Variants in MYO18B observed in about 807,000 individuals in gnomAD.
MYO18B encodes the protein myosin XVIIIB.
In MYO18B, 204 loss-of-function variants were observed where a neutral mutation model predicts 273.0. That is an observed-to-expected ratio of 0.75 (90% confidence interval 0.67 to 0.84). The LOEUF is 0.84. Among genes scored for constraint, MYO18B ranks in the 40% least tolerant of loss-of-function variants. The probability of loss-of-function intolerance (pLI) is 0.00; values close to 1 mark genes in which losing one functional copy is unlikely to be tolerated. For synonymous variants in MYO18B, 1,330 were observed against 1,305.7 expected (o/e 1.02, Z -0.40); for missense variants, 3,212 against 3,287.6 (o/e 0.98, Z 0.56).
chr22:25,836,864 A>G (rs1416348049), intron 17 of MYO18B, among the ~76,000 whole-genome samples: 2 of 152,050 alleles, frequency 1.3e-5, no homozygotes, highest in African/African-American at 2.4e-5. Context: ...CGGGAGGCTG[A>G]GGCAGGAGAA....
At chr22:25,816,500 C>CA (rs2089014860) in intron 12 of MYO18B, among the ~76,000 whole-genome samples, 1 of 150,316 alleles carries the variant, frequency 6.7e-6, no homozygotes, top group Non-Finnish European at 1.5e-5. Context: ...CCCAGCCCCC[C>CA]ACCCCCAGAC....
chr22:25,993,640 G>A (rs912619652), intron 40 of MYO18B, among the ~76,000 whole-genome samples: 1 of 152,162 alleles, frequency 6.6e-6, no homozygotes, highest in African/African-American at 2.4e-5. Flanking sequence ...CTAGAACTCA[G>A]GTCTGCTGAA....
chr22:25,888,245 A>C (rs534310590), intron 25 of MYO18B, among the ~76,000 whole-genome samples: 4 of 152,162 alleles, frequency 2.6e-5, no homozygotes, highest in African/African-American at 9.6e-5. Context: ...TGGGGGTCTG[A>C]GAGTCCTATA....
chr22:25,768,447 T>A lies in MYO18B; in HGVS notation c.531T>A (p.Pro177=), dbSNP rs1158804920. 9.3e-6 allele frequency: 7 copies of A among 753,464 alleles called. No homozygotes were observed. The highest frequency in any genetic ancestry group is 1.6e-5 in the Non-Finnish European group (7 of 434,242). The allele number at this position is 753,464 out of a possible 1,614,324, so 46.7% of individuals were successfully genotyped here. ...PEKTHPHDAP[P]CKTSPPATDT... ...AGACTCATCCCCATGACGCCCCCCCTTGCAAGACCTCTCCCCCCGCCACAG... is the reference window on the plus strand; with the variant it reads ...AGACTCATCCCCATGACGCCCCCCCATGCAAGACCTCTCCCCCCGCCACAG... The change falls in exon 4 of 44, where the codon CCT becomes CCA. Residue 177 remains proline, a synonymous_variant. Transcript: ENST00000335473.
At chr22:25,988,302 C>T (rs1335989342) in intron 39 of MYO18B, among the ~76,000 whole-genome samples, 1 of 152,030 alleles carries the variant, frequency 6.6e-6, no homozygotes, top group Admixed American at 6.6e-5. Flanking sequence ...GGAGTTGAAG[C>T]AGGAAAGATT....
intron 15 of MYO18B, 37 bp from the exon 16 acceptor site, chr22:25,832,880 C>A (rs2089762847): frequency 6.4e-7 from 1 of 1,569,482 alleles, no homozygotes; most frequent in South Asian, 1.1e-5. Context: ...CTTCAGCTCG[C>A]TAAAAGTGCT....
intron 39 of MYO18B, among the ~76,000 whole-genome samples, chr22:25,987,687 T>C (rs549934275): frequency 1.3e-5 from 2 of 152,176 alleles, no homozygotes; most frequent in South Asian, 4.1e-4. Flanking sequence ...GTGAGGACTT[T>C]ATTTGTATTG....
At position 25,847,581 on chromosome 22, in the gene MYO18B, T is replaced by A; in HGVS notation, c.3704T>A (p.Leu1235Gln). Residue 1235 changes from leucine (L) to glutamine (Q), a missense_variant, in exon 20 of 44, where the codon CTG becomes CAG. By Grantham distance (113) the Leu-to-Gln change is moderately radical (BLOSUM62 -2). Transcript: ENST00000335473. ...CCTGGGGCAGGTGGACCTCTGGCCC[T>A]GGATATCCCAGCACTGAGGGTCCAG... ...DKPGAGGPLA[L>Q]DIPALRVQLA... The A allele has an allele frequency of 6.4e-7, 1 of 1,567,038 alleles. No homozygotes were observed. The highest frequency in any genetic ancestry group is 8.7e-7 in the Non-Finnish European group (1 of 1,155,942).
Position 25,761,900 on chromosome 22 carries a change from A to G in MYO18B, c.39+769A>G, listed in dbSNP as rs560062185. 5.9e-5 allele frequency among the ~76,000 whole-genome samples: 9 copies of G among 152,174 alleles called. 1 individual carries two copies. The South Asian group carries it at 1.9e-3, about 32-fold the overall frequency. On this transcript the variant is annotated intron_variant, in intron 2 of 43. Coordinates refer to ENST00000335473, the MANE Select transcript of MYO18B (RefSeq NM_032608.7). ...GTACTTTGGGAGGCCGAAGCAGGTGAATCATGAGGTCAGGAGTTCGAGACC... is the reference window on the plus strand; with the variant it reads ...GTACTTTGGGAGGCCGAAGCAGGTGGATCATGAGGTCAGGAGTTCGAGACC...
intron 12 of MYO18B, among the ~76,000 whole-genome samples, chr22:25,806,002 G>A (rs192389546): frequency 2.3e-4 from 35 of 152,268 alleles, no homozygotes; most frequent in African/African-American, 7.2e-4. Flanking sequence ...ATTAATGTCT[G>A]TCTCCCATGC....
chr22:25,804,054 T>C (rs1015828285), intron 12 of MYO18B, among the ~76,000 whole-genome samples: 2 of 151,004 alleles, frequency 1.3e-5, no homozygotes, highest in African/African-American at 4.9e-5. Flanking sequence ...TCTGTATTCG[T>C]GAGTTTGAAA....
At chr22:25,793,707 A>G (rs554012899) in intron 11 of MYO18B, among the ~76,000 whole-genome samples, 2 of 152,314 alleles carry the variant, frequency 1.3e-5, no homozygotes, top group Admixed American at 6.5e-5. Flanking sequence ...CTCTAAGCCC[A>G]GCCTGGTTTA....
chr22:26,036,481 A>G, the MYO18B span, among the ~76,000 whole-genome samples: 3 of 152,298 alleles, frequency 2.0e-5, no homozygotes, highest in East Asian at 5.8e-4. Flanking sequence ...GGAGAAATAT[A>G]AAATGACTCA....
At chr22:26,025,446 T>C (rs1166362444) in intron 42 of MYO18B, among the ~76,000 whole-genome samples, 2 of 152,190 alleles carry the variant, frequency 1.3e-5, no homozygotes, top group African/African-American at 4.8e-5. Flanking sequence ...ATCGTCCTGA[T>C]TGTTACAGTT....
intron 39 of MYO18B, among the ~76,000 whole-genome samples, chr22:25,978,885 T>G (rs532179819): frequency 6.6e-6 from 1 of 152,182 alleles, no homozygotes; most frequent in Non-Finnish European, 1.5e-5. Context: ...AGGCAGAGGT[T>G]GCAGTGAGCC....
chr22:25,948,459 C>CTTTCTTTCTTTCTTTCT (rs2092748160), intron 36 of MYO18B, among the ~76,000 whole-genome samples: 29 of 67,722 alleles, frequency 4.3e-4, no homozygotes, highest in African/African-American at 1.5e-3. Flanking sequence ...TCCTTCCTTC[C>CTTTCTTTCTTTCTTTCT]TTCTTTCTTT....
intron 42 of MYO18B, among the ~76,000 whole-genome samples, chr22:26,023,496 TA>T (rs1484361872): frequency 0.015 from 1,495 of 102,040 alleles, 31 homozygotes; most frequent in African/African-American, 0.057. Context: ...CCTCCTCCTC[TA>T]CCTCCTCCCT....
chr22:25,983,151 T>C (rs2093166698), intron 39 of MYO18B, among the ~76,000 whole-genome samples: 1 of 152,082 alleles, frequency 6.6e-6, no homozygotes, highest in South Asian at 2.1e-4. Flanking sequence ...GGAGGATCAC[T>C]TGAGGGCCAG....
In MYO18B at chr22:25,769,099, A is replaced by G. The variant is rs1305550837; in HGVS notation, c.1183A>G (p.Met395Val). ...TGAGTCCTGGGATAAGAAGGAAAAG[A>G]TGGGGCAACCCCAGGGTAAGTCCGG... The part of the protein sequence containing the change: ...AGESWDKKEK[M>V]GQPQGKSGNA... The change falls in exon 4 of 44, where the codon ATG becomes GTG. Residue 395 changes from methionine to valine, a missense_variant. Coordinates refer to ENST00000335473, the MANE Select transcript of MYO18B (RefSeq NM_032608.7). The G allele has an allele frequency of 6.2e-7, 1 of 1,613,524 alleles. No individual in the cohort carries two copies. The highest frequency in any genetic ancestry group is 8.5e-7 in the Non-Finnish European group (1 of 1,179,708).
Sources: allele counts gnomAD v4.1 joint callset (sites outside exome capture counted in the v4.1 genomes callset), GRCh38; gene constraint gnomAD v4.1.1; transcripts MANE v1.5; gene names NCBI Gene and HGNC (gene_info 2026-07-23, HGNC 2026-07-21).